WNK1: variants seen among roughly 807,000 people sequenced by gnomAD.
The protein encoded by WNK1 is serine/threonine-protein kinase WNK1.
In WNK1, 38 loss-of-function variants were observed where a neutral mutation model predicts 222.8. The observed-to-expected ratio is 0.17, with a 90% CI of 0.13 to 0.22. WNK1 has a LOEUF of 0.22. WNK1 is among the 10% of genes least tolerant of loss of function. The pLI is 1.00. For missense variants in WNK1, 2,348 were observed against 2,918.4 expected (o/e 0.80, Z 4.50); for synonymous variants, 1,090 against 1,092.9 (o/e 1.00, Z 0.05).
intron 4 of WNK1, among the ~76,000 whole-genome samples, chr12:848,737 A>G (rs980652388): frequency 2.0e-5 from 3 of 152,172 alleles, no homozygotes; most frequent in African/African-American, 7.2e-5. Flanking sequence ...ATCCAGAGAA[A>G]GGCACTGACT....
At position 842,228 on chromosome 12, in the gene WNK1, A is replaced by T. The variant is rs962084769; in HGVS notation, c.1311+12068A>T. Among the ~76,000 whole-genome samples the T allele has an allele frequency of 8.5e-5, 13 of 152,232 alleles. 1 individual carries two copies. Among genetic ancestry groups the T allele is most frequent in the Admixed American group, 3.3e-4 (5 of 15,278 alleles). ...CTTCAGAATTATCCTACTAAAATGA[A>T]GTTGAATAGCAGCAAGTAGAAACTG... On this transcript the variant is annotated intron_variant, in intron 4 of 27. Coordinates refer to ENST00000315939, the MANE Select transcript of WNK1 (RefSeq NM_018979.4).
intron 4 of WNK1, among the ~76,000 whole-genome samples, chr12:833,113 T>C (rs1055033042): frequency 2.0e-5 from 3 of 152,154 alleles, no homozygotes; most frequent in African/African-American, 7.2e-5. Flanking sequence ...TATATTTGAT[T>C]TCTTGTTTTT....
chr12:830,286 G>T (rs1186545743), intron 4 of WNK1, 126 bp downstream of exon 4: 5 of 1,082,664 alleles, frequency 4.6e-6, no homozygotes, highest in Non-Finnish European at 6.9e-6. Flanking sequence ...TGTTGGGGTT[G>T]GGGGGGTGGT....
chr12:895,938 G>T, intron 23 of WNK1, 133 bp from the exon 24 acceptor site: 4 of 1,179,098 alleles, frequency 3.4e-6, no homozygotes, highest in Non-Finnish European at 4.9e-6. Context: ...AAGTGGAGGC[G>T]CTATGTAAAG....
At chr12:807,711 CTTTTTTTTTTTT>C (rs869122990) in intron 1 of WNK1, among the ~76,000 whole-genome samples, 2,006 of 78,858 alleles carry the variant, frequency 0.025, 61 homozygotes, top group African/African-American at 0.09. Flanking sequence ...AGCAATAATT[CTTTTTTTTTTTT>C]TTTTTTTTTT....
chr12:897,680 A>C lies in WNK1; in HGVS notation c.6447A>C (p.Ser2149=). The C allele has an allele frequency of 6.2e-7, 1 of 1,614,132 alleles. No individual in the cohort carries two copies. Among genetic ancestry groups the C allele is most frequent in the Non-Finnish European group, 8.5e-7 (1 of 1,180,008 alleles). Residue 2149 remains serine, a splice_region_variant and synonymous_variant, in exon 25 of 28, where the codon TCA becomes TCC. Coordinates refer to ENST00000315939, the MANE Select transcript of WNK1 (RefSeq NM_018979.4). ...TGGGGAATAAAAGCCCCCAGCTTTCAGGTAAAAAGCCCTGGACTAGGTCAG... is the reference window on the plus strand; with the variant it reads ...TGGGGAATAAAAGCCCCCAGCTTTCCGGTAAAAAGCCCTGGACTAGGTCAG... ...SSLGNKSPQL[S]GNLSGQSAAS...
rs190535951 is a variant in WNK1, at chr12:773,199, G to A, written c.759+18875G>A. Among the ~76,000 whole-genome samples the A allele has an allele frequency of 9.9e-5, 15 of 152,082 alleles. 1 individual carries two copies. Among genetic ancestry groups the A allele is most frequent in the African/African-American group, 3.4e-4 (14 of 41,488 alleles). On this transcript the variant is annotated intron_variant, in intron 1 of 27. Coordinates refer to ENST00000315939, the MANE Select transcript of WNK1 (RefSeq NM_018979.4). The stretch of plus-strand genomic sequence containing the variant: ...CTTGAACCCGGGAGGCGGAGGTTGC[G>A]GTGAGCTGAGATTGCGCCATTGCAT...
At chr12:819,242 G>A (rs1232295317) in intron 2 of WNK1, among the ~76,000 whole-genome samples, 1 of 152,008 alleles carries the variant, frequency 6.6e-6, no homozygotes, top group African/African-American at 2.4e-5. Flanking sequence ...TTAGAAATTA[G>A]ACCCTTGTCC....
At chr12:903,302 C>G (rs1025534811) in intron 26 of WNK1, among the ~76,000 whole-genome samples, 1 of 152,060 alleles carries the variant, frequency 6.6e-6, no homozygotes, top group Non-Finnish European at 1.5e-5. Context: ...CCAATTCGAT[C>G]GTTTTCCAGG....
At chr12:800,351 A>C (rs910213499) in intron 1 of WNK1, among the ~76,000 whole-genome samples, 9 of 152,070 alleles carry the variant, frequency 5.9e-5, no homozygotes, top group African/African-American at 2.2e-4. Flanking sequence ...TGAGTTTATA[A>C]TACTTTATAT....
chr12:764,938 A>G (rs1484577524), intron 1 of WNK1, among the ~76,000 whole-genome samples: 1 of 147,240 alleles, frequency 6.8e-6, no homozygotes, highest in African/African-American at 2.4e-5. Flanking sequence ...TGCCAGGTTC[A>G]AGCAATTCTG....
At chr12:804,652 C>T (rs1031063536) in intron 1 of WNK1, among the ~76,000 whole-genome samples, 2 of 152,086 alleles carry the variant, frequency 1.3e-5, no homozygotes, top group African/African-American at 2.4e-5. Context: ...GGATTACAGG[C>T]GTGAGCCACC....
intron 4 of WNK1, among the ~76,000 whole-genome samples, chr12:842,871 G>A (rs548809106): frequency 6.6e-6 from 1 of 152,296 alleles, no homozygotes; most frequent in African/African-American, 2.4e-5. Context: ...TTGAGATTCT[G>A]TCATCTGAGA....
intron 24 of WNK1, 56 bp from the exon 25 acceptor site, chr12:897,423 T>G: frequency 1.8e-6 from 2 of 1,135,700 alleles, no homozygotes; most frequent in Non-Finnish European, 2.7e-6. Context: ...CTGTTAATTC[T>G]TGTCTGAATG....
At chr12:815,570 C>G (rs769003318) in intron 2 of WNK1, among the ~76,000 whole-genome samples, 1 of 152,196 alleles carries the variant, frequency 6.6e-6, no homozygotes, top group Non-Finnish European at 1.5e-5. Flanking sequence ...AATGTGCTAA[C>G]TAGCACTATA....
rs571104363 is a variant in WNK1 at position 907,730 on chromosome 12, C to G, written c.6644-117C>G. The G allele has an allele frequency of 2.4e-6, 3 of 1,248,598 alleles. No homozygotes were observed. The South Asian group carries it at 3.6e-5, about 15-fold the overall frequency. 77.3% of individuals were successfully genotyped at this position (1,248,598 alleles called of 1,614,324 possible). On this transcript the variant is annotated intron_variant, in intron 26 of 27. Coordinates refer to ENST00000315939, the MANE Select transcript of WNK1 (RefSeq NM_018979.4). ...GGAATCTTCCCTCTTGCATGGCTTC[C>G]CAGTTCATCCTCTTCTCATTCTGTG... is the stretch of plus-strand genomic sequence containing the variant.
chr12:886,434 G>A (rs72650735), intron 19 of WNK1, among the ~76,000 whole-genome samples: 31 of 152,156 alleles, frequency 2.0e-4, no homozygotes, highest in Non-Finnish European at 3.7e-4. Context: ...AATAATAGCA[G>A]TTCATAGTCT....
chr12:908,861 G>GGGGGGGGGGGGGGGGGGCC lies in WNK1; in HGVS notation c.*69_*70insGGGGGGGGGGGGGGGGGCC. 2 of 491,844 alleles carry GGGGGGGGGGGGGGGGGGCC rather than the reference G, an allele frequency of 4.1e-6. No individual in the cohort carries two copies. Among genetic ancestry groups the GGGGGGGGGGGGGGGGGGCC allele is most frequent in the Non-Finnish European group, 8.3e-6 (2 of 241,768 alleles). The allele number at this position is 491,844 out of a possible 1,614,324, so 30.5% of individuals were successfully genotyped here. A position where few individuals can be genotyped will look rare whatever the true frequency, so the allele number is the denominator to read the frequency against. On this transcript the variant is annotated 3_prime_UTR_variant, in exon 28 of 28. Transcript: ENST00000315939. The stretch of plus-strand genomic sequence containing the variant: ...ATGCTGAGGGGGTGGGTGGGGGTGG[G>GGGGGGGGGGGGGGGGGGCC]AAGTAGCCTATATACTAACTACTAG...
chr12:907,883 A>T lies in WNK1; in HGVS notation c.6680A>T (p.Asn2227Ile). 1 of 1,614,082 alleles carries T rather than the reference A, an allele frequency of 6.2e-7. No homozygotes were observed. The change falls in exon 27 of 28, where the codon AAC becomes ATC. Residue 2227 changes from asparagine (N) to isoleucine (I), a missense_variant. Physicochemically the swap from Asn to Ile is moderately radical, Grantham distance 149 (BLOSUM62 -3). Around this residue, in one of 13 missense-constraint regions of WNK1, gnomAD observed 1,144 missense variants for 1,273.6 expected, o/e 0.90. Transcript: ENST00000315939. Reference protein sequence around the residue: ...SSTNTVGATVNSQAAQAQPPA... With the variant: ...SSTNTVGATVISQAAQAQPPA... ...ACAAACACTGTTGGGGCAACAGTGA[A>T]CAGCCAAGCCGCCCAAGCTCAGCCT... is the stretch of plus-strand genomic sequence containing the variant.
Sources: gnomAD v4.1 joint callset for allele counts (sites outside exome capture counted in the v4.1 genomes callset) on GRCh38, gnomAD v4.1.1 for gene constraint, gnomAD v4.1.1 regional missense constraint, MANE v1.5 for transcripts, NCBI Gene and HGNC (gene_info 2026-07-23, HGNC 2026-07-21) for gene names.